Variants in RGS7 observed in about 807,000 individuals in gnomAD.
The protein encoded by RGS7 is regulator of G-protein signaling 7.
RGS7 carries 27 observed loss-of-function variants against 81.1 expected under a neutral mutation model. That is an observed-to-expected ratio of 0.33 (90% CI 0.25 to 0.46). The LOEUF (loss-of-function observed/expected upper bound fraction) is 0.46, where lower values mean the gene tolerates loss of function less well. RGS7 is among the 20% of genes least tolerant of loss of function. RGS7 has a pLI of 1.00. For synonymous variants in RGS7, 208 were observed against 207.7 expected (o/e 1.00, Z -0.01); for missense variants, 396 against 607.4 (o/e 0.65, Z 3.66).
In RGS7 at chr1:241,189,568, G is replaced by A. The variant is rs189162605; in HGVS notation, c.79-90806C>T. On this transcript the variant is annotated intron_variant, in intron 2 of 18. Transcript: ENST00000440928. Reference sequence around the variant, plus strand: ...TTTTTCTTTTATAAATCATGCTTTCGGTATCAAGTCTTAGAGCTATTTGCC... The same window carrying A: ...TTTTTCTTTTATAAATCATGCTTTCAGTATCAAGTCTTAGAGCTATTTGCC... 2.0e-4 allele frequency among the ~76,000 whole-genome samples: 31 copies of A among 152,056 alleles called. No individual in the cohort carries two copies. The East Asian group carries it at 3.1e-3, about 15-fold the overall frequency.
chr1:241,294,655 G>A (rs1187036887), intron 2 of RGS7, among the ~76,000 whole-genome samples: 7 of 152,156 alleles, frequency 4.6e-5, no homozygotes, highest in African/African-American at 1.7e-4. Flanking sequence ...TCCCAGGCCT[G>A]CAAGCTCCAT....
At chr1:240,896,154 T>C (rs1669060248) in intron 6 of RGS7, among the ~76,000 whole-genome samples, 1 of 152,226 alleles carries the variant, frequency 6.6e-6, no homozygotes, top group Non-Finnish European at 1.5e-5. Flanking sequence ...TGTAAGTTTG[T>C]TTAAGTTCTT....
At chr1:241,293,181 C>T (rs1389489030) in intron 2 of RGS7, among the ~76,000 whole-genome samples, 1 of 152,128 alleles carries the variant, frequency 6.6e-6, no homozygotes. Context: ...CTGTAGCAGT[C>T]ATAAAGTTGT....
At chr1:240,885,195 A>T (rs1369820266) in intron 6 of RGS7, among the ~76,000 whole-genome samples, 3 of 152,200 alleles carry the variant, frequency 2.0e-5, no homozygotes, top group Non-Finnish European at 2.9e-5. Flanking sequence ...TCAAAACCAC[A>T]ATGACATACC....
At position 241,144,353 on chromosome 1, in the gene RGS7, C is replaced by T. The variant is rs2068142337; in HGVS notation, c.79-45591G>A. Among the ~76,000 whole-genome samples, 1 of 152,166 alleles carries T rather than the reference C, an allele frequency of 6.6e-6. No homozygotes were observed. The highest frequency in any genetic ancestry group is 6.6e-5 in the Admixed American group (1 of 15,264). On this transcript the variant is annotated intron_variant, in intron 2 of 18. Transcript: ENST00000440928. This position sits in a 1 kb window ranked among gnomAD's most constrained non-coding sequence, Gnocchi z 4.7. ...GTGGATACGCACAGGCACACACATC[C>T]AAATACACTGCAGGTAAGACCCACT...
chr1:240,958,998 T>C (rs1262882683), intron 4 of RGS7, among the ~76,000 whole-genome samples: 1 of 152,256 alleles, frequency 6.6e-6, no homozygotes, highest in East Asian at 1.9e-4. Context: ...GTGCACACTT[T>C]ACACCTGGTA....
chr1:241,095,282 A>G (rs2064170994), intron 3 of RGS7, among the ~76,000 whole-genome samples: 1 of 152,218 alleles, frequency 6.6e-6, no homozygotes, highest in African/African-American at 2.4e-5. Context: ...GGGTCCAGAT[A>G]CTATATTTTC....
In RGS7 at chr1:241,109,320, A is replaced by C. The variant is rs566843774; in HGVS notation, c.79-10558T>G. On this transcript the variant is annotated intron_variant, in intron 2 of 18. Transcript: ENST00000440928. Reference sequence around the variant, plus strand: ...ACTTCTAGGATCATTCCAAATTGTAATTTCCTACTGACGTCCGTCTTTATC... The same window carrying C: ...ACTTCTAGGATCATTCCAAATTGTACTTTCCTACTGACGTCCGTCTTTATC... Among the ~76,000 whole-genome samples the C allele has an allele frequency of 8.6e-5, 13 of 152,042 alleles. No homozygotes were observed. The South Asian group carries it at 2.5e-3, about 29-fold the overall frequency.
chr1:241,068,080 A>G (rs1157366696), intron 3 of RGS7, among the ~76,000 whole-genome samples: 2 of 151,158 alleles, frequency 1.3e-5, no homozygotes, highest in African/African-American at 2.4e-5. Flanking sequence ...GAAACACATG[A>G]GTTTTCCTGC....
intron 15 of RGS7, 91 bp downstream of exon 15, chr1:240,806,049 A>G (rs1267203502): frequency 1.2e-5 from 13 of 1,108,448 alleles, no homozygotes; most frequent in Admixed American, 1.7e-5. Context: ...TGTTAGAAAT[A>G]GCTGCCATTT....
chr1:241,281,582 G>C (rs2078516133), intron 2 of RGS7, among the ~76,000 whole-genome samples: 1 of 152,202 alleles, frequency 6.6e-6, no homozygotes, highest in Admixed American at 6.5e-5. Flanking sequence ...TGCTTGATAT[G>C]TACCATAGAT....
In RGS7 at chr1:240,887,493, C is replaced by G. The variant is rs552239762; in HGVS notation, c.386-17374G>C. Reference sequence around the variant, plus strand: ...TCTGCCCGCCTCGGCCTCCCAAAGTCCTGGGATTACAGGCGTGAGAGTATA... The same window carrying G: ...TCTGCCCGCCTCGGCCTCCCAAAGTGCTGGGATTACAGGCGTGAGAGTATA... On this transcript the variant is annotated intron_variant, in intron 6 of 18. Transcript: ENST00000440928. Among the ~76,000 whole-genome samples the G allele has an allele frequency of 6.3e-4, 96 of 151,984 alleles. 1 individual carries two copies. Among genetic ancestry groups the G allele is most frequent in the Non-Finnish European group, 1.2e-3 (79 of 67,986 alleles).
chr1:241,208,755 C>T (rs769238273), intron 2 of RGS7, among the ~76,000 whole-genome samples: 18 of 152,108 alleles, frequency 1.2e-4, no homozygotes, highest in Non-Finnish European at 1.9e-4. Flanking sequence ...AATTTGCCGA[C>T]GTGGTCTGGC....
At chr1:240,788,774 G>A (rs543150850) in intron 18 of RGS7, among the ~76,000 whole-genome samples, 1 of 152,328 alleles carries the variant, frequency 6.6e-6, no homozygotes, top group Non-Finnish European at 1.5e-5. Flanking sequence ...TCAGAGATGA[G>A]GTTACAAATC....
intron 2 of RGS7, among the ~76,000 whole-genome samples, chr1:241,243,229 C>T (rs1231567756): frequency 6.6e-6 from 1 of 152,184 alleles, no homozygotes; most frequent in Non-Finnish European, 1.5e-5. Context: ...AATCTTGACA[C>T]CTCCTCTCCG....
intron 4 of RGS7, among the ~76,000 whole-genome samples, chr1:240,977,847 C>G (rs987737421): frequency 2.4e-4 from 37 of 152,308 alleles, no homozygotes; most frequent in African/African-American, 8.7e-4. Flanking sequence ...ATATGGACAG[C>G]TTCTCTCCCC....
chr1:240,795,221 A>ACCACCAC (rs369295721), intron 18 of RGS7, among the ~76,000 whole-genome samples: 103,605 of 150,866 alleles, frequency 0.69, 35,806 homozygotes, highest in African/African-American at 0.72. Flanking sequence ...ACCACCACCA[A>ACCACCAC]CAAAAATCAA....
intron 2 of RGS7, among the ~76,000 whole-genome samples, chr1:241,254,198 C>CAAA (rs57205542): frequency 1.6e-5 from 1 of 64,344 alleles, no homozygotes; most frequent in Non-Finnish European, 3.0e-5. Flanking sequence ...GACTCCATCT[C>CAAA]AAAAAAAAAA....
intron 3 of RGS7, among the ~76,000 whole-genome samples, chr1:241,001,324 G>A (rs1419333856): frequency 6.6e-6 from 1 of 152,018 alleles, no homozygotes. Flanking sequence ...AATTCCAAAA[G>A]GTGCCCCAAA....
Sources: gnomAD v4.1 joint callset for allele counts (sites outside exome capture counted in the v4.1 genomes callset) on GRCh38, gnomAD v4.1.1 for gene constraint, Gnocchi (gnomAD v3.1) non-coding constraint, MANE v1.5 for transcripts, NCBI Gene and HGNC (gene_info 2026-07-23, HGNC 2026-07-21) for gene names.